CD40LG: variants seen among roughly 807,000 people sequenced by gnomAD.
CD40LG encodes CD40 antigen ligand.
A neutral mutation model predicts 17.2 loss-of-function variants in CD40LG; 1 was observed. That is an observed-to-expected ratio of 0.06 (90% CI 0.02 to 0.28). The LOEUF is 0.28. Among genes scored for constraint, CD40LG ranks in the 10% least tolerant of loss-of-function variants. The probability of loss-of-function intolerance (pLI) is 1.00; values close to 1 mark genes in which losing one functional copy is unlikely to be tolerated. For synonymous variants in CD40LG, 66 were observed against 74.4 expected, an observed-to-expected ratio of 0.89 and a Z score of 0.58; for missense variants, 133 against 193.2, an observed-to-expected ratio of 0.69 and a Z score of 1.85.
chrX:136,652,521 C>T (rs1160152082), intron 2 of CD40LG, among the ~76,000 whole-genome samples: 1 of 110,841 alleles, frequency 9.0e-6, no homozygotes, highest in Non-Finnish European at 1.9e-5. Context: ...TCATCAGATC[C>T]AATTCTCAAT....
rs200407982 is a variant in CD40LG, at chrX:136,648,185, A to G, written c.-64A>G. On this transcript the variant is annotated 5_prime_UTR_variant, in exon 1 of 5. Transcript: ENST00000370629. Reference sequence around the variant, plus strand: ...TCCTGAGTAAGGTGGCCACTTTGACAGTCTTCTCATGCTGCCTCTGCCACC... The same window carrying G: ...TCCTGAGTAAGGTGGCCACTTTGACGGTCTTCTCATGCTGCCTCTGCCACC... 1.0e-5 allele frequency: 9 copies of G among 883,780 alleles called. No individual in the cohort carries two copies. Among genetic ancestry groups the G allele is most frequent in the Non-Finnish European group, 1.5e-5 (9 of 598,737 alleles). The allele number at this position is 883,780 out of a possible 1,213,427, so 72.8% of individuals were successfully genotyped here. A position where few individuals can be genotyped will look rare whatever the true frequency, so the allele number is the denominator to read the frequency against.
intron 1 of CD40LG, among the ~76,000 whole-genome samples, chrX:136,649,578 G>A (rs1834025092): frequency 8.9e-6 from 1 of 112,360 alleles, no homozygotes; most frequent in African/African-American, 3.2e-5. Context: ...CTTAATTACA[G>A]CAGAAGCTGC....
chrX:136,653,924 A>G (rs1452810923), intron 2 of CD40LG, among the ~76,000 whole-genome samples: 1 of 112,211 alleles, frequency 8.9e-6, no homozygotes, highest in Non-Finnish European at 1.9e-5. Context: ...ACTTACTATT[A>G]TCTTTTCCTA....
chrX:136,656,524 T>C (rs2076119662), intron 4 of CD40LG, 106 bp downstream of exon 4: 1 of 642,400 alleles, frequency 1.6e-6, no homozygotes, highest in Non-Finnish European at 2.6e-6. Flanking sequence ...GGACCCAATT[T>C]ACAAACCTAC....
chrX:136,651,689 T>C (rs769379169), intron 2 of CD40LG, among the ~76,000 whole-genome samples: 3 of 112,422 alleles, frequency 2.7e-5, no homozygotes, highest in Admixed American at 9.4e-5. Context: ...CCAGTTTAAA[T>C]GTGAATAAAG....
chrX:136,651,015 G>A (rs1293360356), intron 2 of CD40LG, among the ~76,000 whole-genome samples: 2 of 111,680 alleles, frequency 1.8e-5, no homozygotes, highest in Non-Finnish European at 3.8e-5. Flanking sequence ...TCTATGGCCG[G>A]TCATGACCAG....
At chrX:136,649,384 C>T (rs972317301) in intron 1 of CD40LG, among the ~76,000 whole-genome samples, 11 of 112,182 alleles carry the variant, frequency 9.8e-5, no homozygotes, top group Non-Finnish European at 1.1e-4. Context: ...GGGCTGAAGT[C>T]ATCCACTGGG....
chrX:136,659,176 G>A lies in CD40LG; in HGVS notation c.547G>A (p.Ala183Thr). The change falls in exon 5 of 5, where the codon GCT becomes ACT. Residue 183 changes from alanine to threonine, a missense_variant. Coordinates refer to ENST00000370629, the MANE Select transcript of CD40LG (RefSeq NM_000074.3). The part of the protein sequence containing the change: ...AQVTFCSNRE[A>T]SSQAPFIASL... ...AGTCACCTTCTGTTCCAATCGGGAAGCTTCGAGTCAAGCTCCATTTATAGC... is the reference window on the plus strand; with the variant it reads ...AGTCACCTTCTGTTCCAATCGGGAAACTTCGAGTCAAGCTCCATTTATAGC... The A allele has an allele frequency of 8.3e-7, 1 of 1,211,663 alleles. No homozygotes were observed. Among genetic ancestry groups the A allele is most frequent in the Middle Eastern group, 2.3e-4 (1 of 4,353 alleles).
chrX:136,651,149 A>T (rs1265756482), intron 2 of CD40LG, among the ~76,000 whole-genome samples: 1 of 111,275 alleles, frequency 9.0e-6, no homozygotes, highest in Non-Finnish European at 1.9e-5. Context: ...CATTAATTCC[A>T]TCATCACAGA....
rs1441717137 is a variant in CD40LG, at chrX:136,659,435, T to C, written c.*20T>C. The C allele has an allele frequency of 2.5e-6, 3 of 1,204,026 alleles. No individual in the cohort carries two copies. Among genetic ancestry groups the C allele is most frequent in the Non-Finnish European group, 3.4e-6 (3 of 893,460 alleles). ...CTCTGAACAGTGTCACCTTGCAGGC[T>C]GTGGTGGAGCTGACGCTGGGAGTCT... On this transcript the variant is annotated 3_prime_UTR_variant, in exon 5 of 5. Coordinates refer to ENST00000370629, the MANE Select transcript of CD40LG (RefSeq NM_000074.3).
chrX:136,659,492 C>A lies in CD40LG; in HGVS notation c.*77C>A, dbSNP rs1295689785. 2 of 1,008,075 alleles carry A rather than the reference C, an allele frequency of 2.0e-6. No individual in the cohort carries two copies. The highest frequency in any genetic ancestry group is 1.4e-6 in the Non-Finnish European group (1 of 724,147). 83.1% of individuals were successfully genotyped at this position (1,008,075 alleles called of 1,213,427 possible). A position where few individuals can be genotyped will look rare whatever the true frequency, so the allele number is the denominator to read the frequency against. On this transcript the variant is annotated 3_prime_UTR_variant, in exon 5 of 5. Coordinates refer to ENST00000370629, the MANE Select transcript of CD40LG (RefSeq NM_000074.3). ...TACAGCACAGCGGTTAAGCCCACCC[C>A]CTGTTAACTGCCTATTTATAACCCT... is the stretch of plus-strand genomic sequence containing the variant.
chrX:136,657,996 C>T lies in CD40LG; in HGVS notation c.410-1043C>T, dbSNP rs147414310. Among the ~76,000 whole-genome samples, 90 of 111,467 alleles carry T rather than the reference C, an allele frequency of 8.1e-4. 1 individual carries two copies. Among genetic ancestry groups the T allele is most frequent in the African/African-American group, 2.8e-3 (87 of 30,639 alleles). Reference sequence around the variant, plus strand: ...ACTTACTGAACTAAAAGATTGAGAACCTGCCCTTTTTTTCTCAATAAAATG... The same window carrying T: ...ACTTACTGAACTAAAAGATTGAGAATCTGCCCTTTTTTTCTCAATAAAATG... On this transcript the variant is annotated intron_variant, in intron 4 of 4. Coordinates refer to ENST00000370629, the MANE Select transcript of CD40LG (RefSeq NM_000074.3).
chrX:136,655,216 A>G (rs933563747), intron 3 of CD40LG, among the ~76,000 whole-genome samples: 4 of 111,620 alleles, frequency 3.6e-5, no homozygotes, highest in African/African-American at 9.8e-5. Context: ...CTGTCCAGAT[A>G]TGGAAGACAG....
chrX:136,651,216 A>G (rs1484796389), intron 2 of CD40LG, among the ~76,000 whole-genome samples: 1 of 111,081 alleles, frequency 9.0e-6, no homozygotes, highest in Non-Finnish European at 1.9e-5. Context: ...CTTTCTGCCT[A>G]TGTCCCTTTC....
In CD40LG at chrX:136,659,503, C is replaced by A. The variant is rs2076128658; in HGVS notation, c.*88C>A. ...GGTTAAGCCCACCCCCTGTTAACTG[C>A]CTATTTATAACCCTAGGATCCTCCT... On this transcript the variant is annotated 3_prime_UTR_variant, in exon 5 of 5. Transcript: ENST00000370629. 2 of 947,251 alleles carry A rather than the reference C, an allele frequency of 2.1e-6. No individual in the cohort carries two copies. Among genetic ancestry groups the A allele is most frequent in the Admixed American group, 4.5e-5 (2 of 43,984 alleles). 78.1% of individuals were successfully genotyped at this position (947,251 alleles called of 1,213,427 possible). A position where few individuals can be genotyped will look rare whatever the true frequency, so the allele number is the denominator to read the frequency against.
intron 4 of CD40LG, 31 bp downstream of exon 4, chrX:136,656,449 C>G (rs1377825907): frequency 8.8e-7 from 1 of 1,139,492 alleles, no homozygotes; most frequent in African/African-American, 1.8e-5. Flanking sequence ...GCGGTAGCCA[C>G]CCAAGGGGAA....
intron 2 of CD40LG, among the ~76,000 whole-genome samples, chrX:136,653,117 T>C (rs2076108845): frequency 8.9e-6 from 1 of 112,352 alleles, no homozygotes; most frequent in Non-Finnish European, 1.9e-5. Context: ...CACCACACTC[T>C]ACTTTTTGAA....
At chrX:136,655,109 C>T (rs1457015586) in intron 3 of CD40LG, among the ~76,000 whole-genome samples, 1 of 111,549 alleles carries the variant, frequency 9.0e-6, no homozygotes, top group Non-Finnish European at 1.9e-5. Context: ...CTTTCCTCCT[C>T]AAGTCAAACT....
chrX:136,655,625 G>A (rs1021011082), intron 3 of CD40LG, among the ~76,000 whole-genome samples: 7 of 112,244 alleles, frequency 6.2e-5, no homozygotes, highest in East Asian at 2.8e-4. Flanking sequence ...ATGGTCATCC[G>A]ACTTCCATGA....
Sources: allele counts gnomAD v4.1 joint callset (sites outside exome capture counted in the v4.1 genomes callset), GRCh38; gene constraint gnomAD v4.1.1; transcripts MANE v1.5; gene names NCBI Gene and HGNC (gene_info 2026-07-23, HGNC 2026-07-21).